The following SCOC variants were observed in gnomAD, a reference collection of about 807,000 sequenced individuals.
SCOC encodes the protein short coiled-coil protein.
SCOC carries 7 observed loss-of-function variants against 9.9 expected under a neutral mutation model. The observed-to-expected ratio is 0.71, with a 90% CI of 0.40 to 1.33. The LOEUF is 1.33. SCOC is among the 40% of genes most tolerant of loss of function. The probability of loss-of-function intolerance (pLI) is 0.01; values close to 1 mark genes in which losing one functional copy is unlikely to be tolerated. For synonymous variants in SCOC, 19 were observed against 28.2 expected (o/e 0.67, Z 1.03); for missense variants, 66 against 89.7 (o/e 0.74, Z 1.07).
intron 1 of SCOC, among the ~76,000 whole-genome samples, chr4:140,290,610 C>T (rs1355925792): frequency 1.3e-5 from 2 of 152,120 alleles, no homozygotes; most frequent in African/African-American, 4.8e-5. Flanking sequence ...GCCAGGAGTT[C>T]GACACCAACC....
intron 1 of SCOC, among the ~76,000 whole-genome samples, chr4:140,288,141 A>G (rs1297422569): frequency 3.3e-5 from 5 of 152,000 alleles, no homozygotes; most frequent in African/African-American, 1.2e-4. Context: ...CACAGCACAC[A>G]CTTTTATGTA....
intron 1 of SCOC, among the ~76,000 whole-genome samples, chr4:140,261,169 A>T (rs1730624791): frequency 6.6e-6 from 1 of 152,192 alleles, no homozygotes; most frequent in African/African-American, 2.4e-5. Context: ...CTTTCATCCA[A>T]AGTTTGTAGA....
intron 1 of SCOC, among the ~76,000 whole-genome samples, chr4:140,257,571 G>A (rs781483150): frequency 7.2e-5 from 11 of 152,134 alleles, no homozygotes; most frequent in South Asian, 2.1e-4. Flanking sequence ...AACTGAGGGC[G>A]AGTCATCTGA....
intron 1 of SCOC, among the ~76,000 whole-genome samples, chr4:140,316,072 T>C (rs1732310550): frequency 6.6e-6 from 1 of 152,068 alleles, no homozygotes; most frequent in Non-Finnish European, 1.5e-5. Context: ...TGAGGCCTCA[T>C]TGGCAGAAAC....
intron 2 of SCOC, among the ~76,000 whole-genome samples, chr4:140,351,307 G>A (rs188087985): frequency 1.3e-5 from 2 of 152,236 alleles, no homozygotes; most frequent in Admixed American, 1.3e-4. Context: ...ACGTCCTCCT[G>A]ATAAGGAAGG....
At chr4:140,378,757 G>T (rs967279728) in intron 1 of SCOC, among the ~76,000 whole-genome samples, 1 of 151,938 alleles carries the variant, frequency 6.6e-6, no homozygotes, top group African/African-American at 2.4e-5. Context: ...AGTTAAAAAA[G>T]ATGTAAATGT....
chr4:140,264,321 G>A (rs1730690915), intron 1 of SCOC, among the ~76,000 whole-genome samples: 1 of 152,070 alleles, frequency 6.6e-6, no homozygotes, highest in Admixed American at 6.6e-5. Flanking sequence ...TGGTTAATGT[G>A]GGTTCTGGAC....
At chr4:140,353,970 C>T (rs776432751) in intron 2 of SCOC, among the ~76,000 whole-genome samples, 49 of 152,212 alleles carry the variant, frequency 3.2e-4, no homozygotes, top group Non-Finnish European at 6.5e-4. Flanking sequence ...CACTTGCCTG[C>T]GCACATGCGT....
intron 2 of SCOC, among the ~76,000 whole-genome samples, chr4:140,355,759 G>C (rs755298301): frequency 1.3e-5 from 2 of 152,100 alleles, no homozygotes; most frequent in African/African-American, 2.4e-5. Context: ...ATATAAAATT[G>C]TATCTATGTT....
intron 1 of SCOC, among the ~76,000 whole-genome samples, chr4:140,300,856 A>T (rs1016966500): frequency 6.6e-6 from 1 of 152,222 alleles, no homozygotes; most frequent in Non-Finnish European, 1.5e-5. Flanking sequence ...ACATGTGTGT[A>T]TATGCAAGGC....
intron 1 of SCOC, among the ~76,000 whole-genome samples, chr4:140,323,912 T>A (rs1732573343): frequency 6.6e-6 from 1 of 151,944 alleles, no homozygotes; most frequent in Non-Finnish European, 1.5e-5. Flanking sequence ...GCTTGCACAT[T>A]GCAAGAAAAG....
intron 1 of SCOC, among the ~76,000 whole-genome samples, chr4:140,290,558 T>C (rs1195908683): frequency 6.6e-6 from 1 of 152,128 alleles, no homozygotes; most frequent in Non-Finnish European, 1.5e-5. Context: ...CATGCCTGTA[T>C]TCCCAGCACT....
At chr4:140,365,671 C>T (rs1315216748) in intron 2 of SCOC, among the ~76,000 whole-genome samples, 1 of 152,184 alleles carries the variant, frequency 6.6e-6, no homozygotes, top group Non-Finnish European at 1.5e-5. Flanking sequence ...TTCTCTTCCT[C>T]CTTCTCCTCA....
At chr4:140,293,660 C>T (rs1310645649) in intron 1 of SCOC, among the ~76,000 whole-genome samples, 1 of 152,192 alleles carries the variant, frequency 6.6e-6, no homozygotes, top group Non-Finnish European at 1.5e-5. Context: ...GTACACCTAC[C>T]ATTCCCTGTC....
At chr4:140,316,214 C>T (rs1732313382) in intron 1 of SCOC, among the ~76,000 whole-genome samples, 1 of 152,132 alleles carries the variant, frequency 6.6e-6, no homozygotes, top group Non-Finnish European at 1.5e-5. Context: ...ACTCTGGGGA[C>T]ATTTTCATTC....
chr4:140,343,815 T>C lies in SCOC; in HGVS notation c.70+107T>C, dbSNP rs566308542. On this transcript the variant is annotated intron_variant, in intron 2 of 4. Coordinates refer to the SCOC transcript ENST00000338517. ...GTATAATGATAAAGCATACTCATTG[T>C]AGAAAACTTGAAAAAATATAGTTAC... is the stretch of plus-strand genomic sequence containing the variant. The C allele has an allele frequency of 9.9e-5, 67 of 674,294 alleles. No individual in the cohort carries two copies. The African/African-American group carries it at 1.1e-3, about 12-fold the overall frequency. 41.8% of individuals were successfully genotyped at this position (674,294 alleles called of 1,614,324 possible).
chr4:140,350,748 A>G (rs1726941359), intron 2 of SCOC, among the ~76,000 whole-genome samples: 1 of 152,254 alleles, frequency 6.6e-6, no homozygotes, highest in Admixed American at 6.5e-5. Flanking sequence ...CAAAATGATC[A>G]TAAGAGTAAG....
At chr4:140,364,567 G>A (rs2126564367) in intron 2 of SCOC, among the ~76,000 whole-genome samples, 1 of 152,300 alleles carries the variant, frequency 6.6e-6, no homozygotes, top group South Asian at 2.1e-4. Flanking sequence ...ACTGTTTTGT[G>A]CAAATGCAGG....
chr4:140,328,612 T>C (rs1732720674), intron 1 of SCOC, among the ~76,000 whole-genome samples: 1 of 152,234 alleles, frequency 6.6e-6, no homozygotes, highest in Non-Finnish European at 1.5e-5. Flanking sequence ...CTAAAAAAAT[T>C]CTTACCCTGA....
Sources: allele counts gnomAD v4.1 joint callset (sites outside exome capture counted in the v4.1 genomes callset), GRCh38; gene constraint gnomAD v4.1.1; transcripts MANE v1.5; gene names NCBI Gene and HGNC (gene_info 2026-07-23, HGNC 2026-07-21).